PTPRT: variants seen among roughly 807,000 people sequenced by gnomAD.
PTPRT encodes receptor-type tyrosine-protein phosphatase T.
PTPRT carries 56 observed loss-of-function variants against 176.8 expected under a neutral mutation model. That is an observed-to-expected ratio of 0.32 (90% CI 0.26 to 0.40). PTPRT has a LOEUF of 0.40. Ranked by LOEUF, PTPRT falls within the 10% of genes least tolerant of loss-of-function variation. The pLI, the probability that PTPRT is intolerant of heterozygous loss-of-function variation, is 1.00. For missense variants in PTPRT, 1,540 were observed against 1,908.2 expected (o/e 0.81, Z 3.60); for synonymous variants, 783 against 739.0 (o/e 1.06, Z -0.96).
intron 9 of PTPRT, among the ~76,000 whole-genome samples, chr20:42,367,512 T>C (rs2058531088): frequency 6.6e-6 from 1 of 151,826 alleles, no homozygotes; most frequent in Admixed American, 6.6e-5. Context: ...ACTAGGAAGG[T>C]GAGAGGAGGG....
chr20:42,827,626 T>C (rs1267525859), intron 2 of PTPRT, among the ~76,000 whole-genome samples: 2 of 152,206 alleles, frequency 1.3e-5, no homozygotes, highest in East Asian at 1.9e-4. Flanking sequence ...CCAAATCTCA[T>C]TGTGAATTGT....
chr20:42,431,024 G>A (rs1275593534), intron 9 of PTPRT, among the ~76,000 whole-genome samples: 1 of 152,168 alleles, frequency 6.6e-6, no homozygotes, highest in Non-Finnish European at 1.5e-5. Flanking sequence ...ATGTTCGTGT[G>A]TGCGGTGGGG....
At chr20:42,732,784 G>A (rs17811221) in intron 6 of PTPRT, among the ~76,000 whole-genome samples, 12,759 of 152,196 alleles carry the variant, frequency 0.084, 731 homozygotes, top group Non-Finnish European at 0.12. Context: ...GAACTTAAAC[G>A]TGGTGGTAAA....
intron 2 of PTPRT, among the ~76,000 whole-genome samples, chr20:42,844,075 G>A (rs903194732): frequency 1.3e-5 from 2 of 152,188 alleles, no homozygotes; most frequent in Non-Finnish European, 2.9e-5. Flanking sequence ...CAACATTTAC[G>A]CAGGTGAGCA....
intron 27 of PTPRT, among the ~76,000 whole-genome samples, chr20:42,090,791 C>A (rs1207835392): frequency 6.6e-6 from 1 of 152,228 alleles, no homozygotes; most frequent in African/African-American, 2.4e-5. Flanking sequence ...GAGGACGTAG[C>A]TGACCTAAAG....
At position 43,023,120 on chromosome 20, in the gene PTPRT, G is replaced by A. The variant is rs777768330; in HGVS notation, c.89-137188C>T. On this transcript the variant is annotated intron_variant, in intron 1 of 30. Coordinates refer to ENST00000373187, the MANE Select transcript of PTPRT (RefSeq NM_007050.6). ...TCCTAAGAAATATGAAGGACCAGAA[G>A]TATGAATCTGTGCTTGATGATTATA... 7.7e-4 allele frequency among the ~76,000 whole-genome samples: 117 copies of A among 152,202 alleles called. 1 individual carries two copies. The highest frequency in any genetic ancestry group is 6.3e-3 in the Middle Eastern group (2 of 316).
At chr20:42,371,119 A>C (rs1320935214) in intron 9 of PTPRT, among the ~76,000 whole-genome samples, 1 of 152,236 alleles carries the variant, frequency 6.6e-6, no homozygotes, top group Non-Finnish European at 1.5e-5. Flanking sequence ...CATTGTTCAC[A>C]CTATAACAAT....
At chr20:42,646,946 G>C (rs1035655997) in intron 7 of PTPRT, among the ~76,000 whole-genome samples, 1 of 131,982 alleles carries the variant, frequency 7.6e-6, no homozygotes, top group Non-Finnish European at 1.5e-5. Flanking sequence ...TCAGGCTGCA[G>C]TGCAGTGGCG....
In PTPRT at chr20:42,350,227, T is replaced by TGTTGTTTTG. The variant is rs1175946910; in HGVS notation, c.1865+400_1865+401insCAAAACAAC. Among the ~76,000 whole-genome samples the TGTTGTTTTG allele has an allele frequency of 1.6e-3, 179 of 115,190 alleles. 7 individuals carry two copies. Among genetic ancestry groups the TGTTGTTTTG allele is most frequent in the African/African-American group, 5.5e-3 (138 of 25,198 alleles). 75.6% of individuals were successfully genotyped at this position (115,190 alleles called of 152,430 possible). A position where few individuals can be genotyped will look rare whatever the true frequency, so the allele number is the denominator to read the frequency against. On this transcript the variant is annotated intron_variant, in intron 11 of 30. Transcript: ENST00000373187. ...AGGATGTTTCTTGTTTTTTTTTTTT[T>TGTTGTTTTG]TTTTTTTTTTTTTTTTTTTGAGACA...
chr20:42,106,721 T>TATC, intron 24 of PTPRT, 65 bp downstream of exon 24: 2 of 1,570,998 alleles, frequency 1.3e-6, no homozygotes, highest in East Asian at 4.5e-5. Context: ...CTCTCCGTTC[T>TATC]ATCATCATGT....
chr20:42,620,316 G>T (rs560146413), intron 7 of PTPRT, among the ~76,000 whole-genome samples: 2 of 149,082 alleles, frequency 1.3e-5, no homozygotes, highest in Non-Finnish European at 3.0e-5. Flanking sequence ...CTCCAGCTGC[G>T]TGCTGGGAGA....
At chr20:42,969,724 T>C (rs558365848) in intron 1 of PTPRT, 3 of 152,204 alleles carry the variant, frequency 2.0e-5, no homozygotes, top group African/African-American at 4.8e-5. Context: ...CATTGACTAA[T>C]AGTTTTTTCT....
chr20:42,361,056 T>C (rs920688669), intron 9 of PTPRT, among the ~76,000 whole-genome samples: 2 of 152,196 alleles, frequency 1.3e-5, no homozygotes, highest in African/African-American at 4.8e-5. Flanking sequence ...CCTGCCACCT[T>C]GGCCTTGGCT....
At chr20:42,954,388 G>T (rs75039235) in intron 1 of PTPRT, among the ~76,000 whole-genome samples, 11,056 of 152,048 alleles carry the variant, frequency 0.073, 1,145 homozygotes, top group African/African-American at 0.23. Flanking sequence ...TGAGTGCTCT[G>T]GGGCCAAATC....
intron 5 of PTPRT, among the ~76,000 whole-genome samples, chr20:42,760,570 ATC>A (rs1432536808): frequency 2.6e-5 from 4 of 152,082 alleles, no homozygotes; most frequent in Non-Finnish European, 5.9e-5. Context: ...AACAAGATTT[ATC>A]TGAGCGTTTA....
At chr20:42,532,401 C>T (rs189416096) in intron 7 of PTPRT, among the ~76,000 whole-genome samples, 373 of 152,210 alleles carry the variant, frequency 2.5e-3, no homozygotes, top group Non-Finnish European at 4.0e-3. Flanking sequence ...CCAGCTATGG[C>T]CAGTTCCATC....
chr20:42,581,549 C>T (rs1327563938), intron 7 of PTPRT, among the ~76,000 whole-genome samples: 1 of 145,298 alleles, frequency 6.9e-6, no homozygotes, highest in Non-Finnish European at 1.5e-5. Context: ...AAAAAAAAGG[C>T]TTAAACTCAC....
At chr20:42,635,412 A>G (rs1168714475) in intron 7 of PTPRT, among the ~76,000 whole-genome samples, 2 of 152,190 alleles carry the variant, frequency 1.3e-5, no homozygotes, top group African/African-American at 4.8e-5. Flanking sequence ...AAAAAAGAAT[A>G]TAGGTTAAGA....
intron 9 of PTPRT, among the ~76,000 whole-genome samples, chr20:42,401,238 G>C (rs999329501): frequency 6.6e-6 from 1 of 152,034 alleles, no homozygotes; most frequent in African/African-American, 2.4e-5. Context: ...TGTCTCCGAA[G>C]CTTACTGATT....
Sources: allele counts gnomAD v4.1 joint callset (sites outside exome capture counted in the v4.1 genomes callset), GRCh38; gene constraint gnomAD v4.1.1; transcripts MANE v1.5; gene names NCBI Gene and HGNC (gene_info 2026-07-23, HGNC 2026-07-21).